IFIH1: variants seen among roughly 807,000 people sequenced by gnomAD.
The protein encoded by IFIH1 is interferon induced with helicase C domain 1.
In IFIH1, 125 loss-of-function variants were observed where a neutral mutation model predicts 107.4. That is an observed-to-expected ratio of 1.16 (90% confidence interval 1.01 to 1.35). The LOEUF is 1.35. Ranked by LOEUF, IFIH1 falls within the 40% of genes most tolerant of loss-of-function variation. IFIH1 has a pLI of 0.00. For missense variants in IFIH1, 1,333 were observed against 1,213.7 expected, an observed-to-expected ratio of 1.10 and a Z score of -1.46; for synonymous variants, 458 against 413.2, an observed-to-expected ratio of 1.11 and a Z score of -1.31.
rs2105209221 is a variant in IFIH1, at chr2:162,288,372, A to G, written c.875-17T>C. 6.3e-7 allele frequency: 1 copy of G among 1,584,778 alleles called. No homozygotes were observed. The highest frequency in any genetic ancestry group is 2.2e-5 in the East Asian group (1 of 44,628). On this transcript the variant is annotated splice_polypyrimidine_tract_variant and intron_variant, in intron 4 of 15. Transcript: ENST00000649979. ...TCTCTTCATCTGAAGAAGGTTGAAA[A>G]GAAAAATAAGAGAAGGGACAACAAA...
At chr2:162,284,493 G>A (rs978840553) in intron 5 of IFIH1, among the ~76,000 whole-genome samples, 1 of 151,908 alleles carries the variant, frequency 6.6e-6, no homozygotes, top group Admixed American at 6.6e-5. Context: ...AAACTTCCAC[G>A]ATATTTCACC....
In IFIH1 at chr2:162,318,024, A is replaced by G. The variant is rs769741397; in HGVS notation, c.284T>C (p.Met95Thr). Residue 95 changes from methionine (M) to threonine (T), a missense_variant, in exon 1 of 16, where the codon ATG becomes ACG. Met to Thr is a moderately conservative substitution (Grantham distance 81). Coordinates refer to ENST00000649979, the MANE Select transcript of IFIH1 (RefSeq NM_022168.4). ...GGGCAAGTCCGTGAGCTCAGGGTTC[A>G]TGTAGCGGGCGGCCAGAGGGCTGCC... is the stretch of plus-strand genomic sequence containing the variant. ...RTGSPLAARY[M>T]NPELTDLPSP... 1 of 1,614,178 alleles carries G rather than the reference A, an allele frequency of 6.2e-7. No individual in the cohort carries two copies. Among genetic ancestry groups the G allele is most frequent in the Non-Finnish European group, 8.5e-7 (1 of 1,180,024 alleles).
chr2:162,314,520 G>A (rs939275849), intron 1 of IFIH1, among the ~76,000 whole-genome samples: 8 of 139,776 alleles, frequency 5.7e-5, no homozygotes, highest in African/African-American at 1.3e-4. Context: ...ATGGAGTCTC[G>A]CTCTGTCACC....
In IFIH1 at chr2:162,278,203, A is replaced by G. The variant is rs995063479; in HGVS notation, c.1765+2T>C. The G allele has an allele frequency of 6.2e-7, 1 of 1,602,260 alleles. No homozygotes were observed. On this transcript the variant is annotated splice_donor_variant, in intron 9 of 15. Transcript: ENST00000649979. LOFTEE classifies it high-confidence loss of function. ...TAAGTGTTAGGTCCAAACCTAAATT[A>G]CCTTTTTTTTCCATTTGAATGGCCC...
intron 5 of IFIH1, among the ~76,000 whole-genome samples, chr2:162,286,049 T>C (rs1682887767): frequency 6.6e-6 from 1 of 151,978 alleles, no homozygotes; most frequent in Non-Finnish European, 1.5e-5. Context: ...GGTATGATCT[T>C]ATCTGTAGTA....
In IFIH1 at chr2:162,306,834, A is replaced by G. The variant is rs546097679; in HGVS notation, c.644T>C (p.Val215Ala). Residue 215 changes from valine to alanine, a missense_variant, in exon 3 of 16, where the codon GTT (valine) becomes GCT (alanine). Transcript: ENST00000649979. The part of the protein sequence containing the change: ...SNAEIENLSQ[V>A]DGPQVEEQLL... ...TTGCTCTTCCACTTGAGGACCATCA[A>G]CTTGTGATAAATTCTCAATCTCTGT... 4.3e-6 allele frequency: 7 copies of G among 1,613,870 alleles called. No individual in the cohort carries two copies. Among genetic ancestry groups the G allele is most frequent in the South Asian group, 1.1e-5 (1 of 91,070 alleles).
intron 3 of IFIH1, among the ~76,000 whole-genome samples, chr2:162,297,213 C>T (rs1314161896): frequency 6.6e-6 from 1 of 152,106 alleles, no homozygotes; most frequent in African/African-American, 2.4e-5. Context: ...CAAAATTAAA[C>T]CGACCTATTG....
chr2:162,275,622 C>A (rs1270431542), intron 11 of IFIH1, among the ~76,000 whole-genome samples: 2 of 152,128 alleles, frequency 1.3e-5, no homozygotes, highest in African/African-American at 2.4e-5. Flanking sequence ...TTTTTTCCAG[C>A]AAACACTGAA....
At chr2:162,293,378 T>C (rs2105214449) in intron 4 of IFIH1, among the ~76,000 whole-genome samples, 186 bp downstream of exon 4, 1 of 142,548 alleles carries the variant, frequency 7.0e-6, no homozygotes, top group East Asian at 2.0e-4. Context: ...GAGAGTTTGG[T>C]TCTAAGAGTT....
intron 2 of IFIH1, among the ~76,000 whole-genome samples, chr2:162,309,630 T>C (rs750583340): frequency 6.6e-6 from 1 of 152,218 alleles, no homozygotes; most frequent in Non-Finnish European, 1.5e-5. Flanking sequence ...AAATGGCTGA[T>C]TAAGTCCATC....
At position 162,288,181 on chromosome 2, in the gene IFIH1, T is replaced by G. The variant is rs752915226; in HGVS notation, c.1049A>C (p.Lys350Thr). 6.2e-7 allele frequency: 1 copy of G among 1,612,686 alleles called. No individual in the cohort carries two copies. The highest frequency in any genetic ancestry group is 2.2e-5 in the East Asian group (1 of 44,830). Reference protein sequence around the residue: ...VYIAKDHLDKKKKASEPGKVI... With the variant: ...VYIAKDHLDKTKKASEPGKVI... ...TTTTCCAGGCTCAGATGCTTTTTTC[T>G]TCTTGTCTAAGTGATCCTTGGCAAT... The change falls in exon 5 of 16, where the codon AAG becomes ACG. Residue 350 changes from lysine to threonine, a missense_variant. By Grantham distance (78) the Lys-to-Thr change is moderately conservative. Transcript: ENST00000649979.
Position 162,272,300 on chromosome 2 carries a change from C to T in IFIH1, c.2542G>A (p.Asp848Asn). 3 of 1,613,084 alleles carry T rather than the reference C, an allele frequency of 1.9e-6. No homozygotes were observed. The highest frequency in any genetic ancestry group is 1.7e-4 in the Middle Eastern group (1 of 6,056). The change falls in exon 13 of 16, where the codon GAT (aspartate) becomes AAT (asparagine). Residue 848 changes from aspartate to asparagine, a missense_variant. Transcript: ENST00000649979. ...SGVIEHETVN[D>N]FREKMMYKAI... is the part of the protein sequence containing the mutation. The stretch of plus-strand genomic sequence containing the variant: ...TTATACATCATCTTCTCTCGGAAAT[C>T]ATTAACTGTCTCATGTTCGATAACT...
intron 5 of IFIH1, 98 bp downstream of exon 5, chr2:162,288,037 C>G: frequency 1.4e-6 from 1 of 698,116 alleles, no homozygotes; most frequent in Non-Finnish European, 2.3e-6. Flanking sequence ...CTTAATTAAA[C>G]TAAACATGTG....
chr2:162,288,143 C>G lies in IFIH1; in HGVS notation c.1087G>C (p.Val363Leu). The change falls in exon 5 of 16, where the codon GTC becomes CTC. Residue 363 changes from valine to leucine, a missense_variant. Coordinates refer to ENST00000649979, the MANE Select transcript of IFIH1 (RefSeq NM_022168.4). ...ATGTGTTCTTTGAATACCTTATTGACAAGAACTATAACTTTTCCAGGCTCA... is the reference window on the plus strand; with the variant it reads ...ATGTGTTCTTTGAATACCTTATTGAGAAGAACTATAACTTTTCCAGGCTCA... ...ASEPGKVIVL[V>L]NKVLLVEQLF... is the part of the protein sequence containing the mutation. The G allele has an allele frequency of 1.2e-6, 2 of 1,605,024 alleles. No homozygotes were observed. The highest frequency in any genetic ancestry group is 1.7e-6 in the Non-Finnish European group (2 of 1,173,220).
At chr2:162,309,021 T>C (rs1683342695) in intron 2 of IFIH1, among the ~76,000 whole-genome samples, 1 of 152,166 alleles carries the variant, frequency 6.6e-6, no homozygotes, top group Non-Finnish European at 1.5e-5. Context: ...TTCTTTTCCA[T>C]AATACAATGG....
At chr2:162,287,820 T>C (rs1188251650) in intron 5 of IFIH1, among the ~76,000 whole-genome samples, 1 of 151,890 alleles carries the variant, frequency 6.6e-6, no homozygotes, top group Non-Finnish European at 1.5e-5. Context: ...TATATCTGGG[T>C]AAATATAACC....
At chr2:162,287,696 A>G (rs1682921031) in intron 5 of IFIH1, among the ~76,000 whole-genome samples, 1 of 151,940 alleles carries the variant, frequency 6.6e-6, no homozygotes. Context: ...ATCTTTGACT[A>G]AGGGTCAACA....
At chr2:162,308,289 A>C (rs560606566) in intron 2 of IFIH1, among the ~76,000 whole-genome samples, 52 of 152,304 alleles carry the variant, frequency 3.4e-4, no homozygotes, top group African/African-American at 1.2e-3. Flanking sequence ...AGAGAGAGAA[A>C]GAGACAGATG....
chr2:162,271,565 C>A (rs1576221572), intron 13 of IFIH1, among the ~76,000 whole-genome samples: 2 of 152,076 alleles, frequency 1.3e-5, no homozygotes, highest in African/African-American at 4.8e-5. Context: ...ATGTAACAGA[C>A]CTGCACGTTG....
Sources: gnomAD v4.1 joint callset for allele counts (sites outside exome capture counted in the v4.1 genomes callset) on GRCh38, gnomAD v4.1.1 for gene constraint, MANE v1.5 for transcripts, NCBI Gene and HGNC (gene_info 2026-07-23, HGNC 2026-07-21) for gene names.